Variants in AGTRAP observed in about 807,000 individuals in gnomAD.
The protein encoded by AGTRAP is type-1 angiotensin II receptor-associated protein.
In AGTRAP, 7 loss-of-function variants were observed where a neutral mutation model predicts 15.2. That is an observed-to-expected ratio of 0.46 (90% CI 0.26 to 0.87). The LOEUF (loss-of-function observed/expected upper bound fraction) is 0.87. Ranked by LOEUF, AGTRAP falls within the 40% of genes least tolerant of loss-of-function variation. AGTRAP has a pLI of 0.15. For missense variants in AGTRAP, 187 were observed against 213.4 expected, an observed-to-expected ratio of 0.88 and a Z score of 0.77; for synonymous variants, 74 against 89.6, an observed-to-expected ratio of 0.83 and a Z score of 0.98.
At chr1:11,736,385 G>A (rs1641897103) in intron 1 of AGTRAP, 150 bp downstream of exon 1, 3 of 1,114,450 alleles carry the variant, frequency 2.7e-6, no homozygotes, top group Non-Finnish European at 2.6e-6. Context: ...GAAGGAGATG[G>A]GCAGGCAGGC....
At chr1:11,736,304 T>TG (rs1641894982) in intron 1 of AGTRAP, 69 bp downstream of exon 1, 1 of 1,570,646 alleles carries the variant, frequency 6.4e-7, no homozygotes, top group Non-Finnish European at 8.6e-7. Flanking sequence ...TCCCGGAAGG[T>TG]GGGAGGAAGG....
chr1:11,740,742 A>T (rs1642011241), intron 1 of AGTRAP, among the ~76,000 whole-genome samples: 1 of 152,050 alleles, frequency 6.6e-6, no homozygotes, highest in South Asian at 2.1e-4. Flanking sequence ...TTAAAGACCT[A>T]CTCTGTGTAC....
chr1:11,739,311 G>C (rs532601064), intron 1 of AGTRAP, among the ~76,000 whole-genome samples: 94 of 152,256 alleles, frequency 6.2e-4, no homozygotes, highest in African/African-American at 2.3e-3. Flanking sequence ...AGCACTTTGG[G>C]AGACCCAGGC....
At chr1:11,743,766 A>G (rs909209284) in intron 1 of AGTRAP, among the ~76,000 whole-genome samples, 1 of 151,712 alleles carries the variant, frequency 6.6e-6, no homozygotes, top group African/African-American at 2.4e-5. Flanking sequence ...GGGTTTCTCC[A>G]TGCTGGTCAG....
intron 1 of AGTRAP, among the ~76,000 whole-genome samples, chr1:11,736,898 C>CT (rs1346161005): frequency 1.3e-5 from 2 of 152,176 alleles, no homozygotes; most frequent in African/African-American, 4.8e-5. Flanking sequence ...AGCGGCTGTT[C>CT]TTTTTCTCCC....
In AGTRAP at chr1:11,745,725, T is replaced by C. The variant is rs113791672; in HGVS notation, c.28-78T>C. 1,652 of 1,531,248 alleles carry C rather than the reference T, an allele frequency of 1.1e-3. 17 individuals carry two copies. In the African/African-American group the frequency reaches 0.02, roughly 18 times the overall value. 94.9% of individuals were successfully genotyped at this position (1,531,248 alleles called of 1,614,324 possible). On this transcript the variant is annotated intron_variant, in intron 1 of 4. Transcript: ENST00000314340. The surrounding 1 kb of genome is among the most constrained non-coding windows in gnomAD (Gnocchi z 4.2). ...GTGCCAGGCGCAGGGGCGTCCTGTG[T>C]TTTCTGCACCCGACGCTTTCCTGCC... is the stretch of plus-strand genomic sequence containing the variant.
intron 1 of AGTRAP, among the ~76,000 whole-genome samples, chr1:11,742,847 G>C (rs369474506): frequency 6.6e-6 from 1 of 152,098 alleles, no homozygotes; most frequent in South Asian, 2.1e-4. Context: ...CTTTTTTGCA[G>C]GTGGTGAGGG....
At chr1:11,736,517 G>A (rs566967449) in intron 1 of AGTRAP, among the ~76,000 whole-genome samples, 1 of 152,296 alleles carries the variant, frequency 6.6e-6, no homozygotes, top group South Asian at 2.1e-4. Flanking sequence ...GGGCAGCGCC[G>A]GTCCCAGCAT....
chr1:11,746,480 C>T (rs543643130), intron 2 of AGTRAP: 23 of 390,866 alleles, frequency 5.9e-5, no homozygotes, highest in South Asian at 5.4e-4. Flanking sequence ...AGGAAGCGCC[C>T]GCTGCATGCA....
At chr1:11,742,795 G>A (rs913380309) in intron 1 of AGTRAP, among the ~76,000 whole-genome samples, 1 of 152,292 alleles carries the variant, frequency 6.6e-6, no homozygotes, top group Non-Finnish European at 1.5e-5. Flanking sequence ...CTCCTAAAGT[G>A]TTGGGATTAC....
In AGTRAP at chr1:11,745,946, C is replaced by A; in HGVS notation, c.62+109C>A. On this transcript the variant is annotated intron_variant, in intron 2 of 4. Transcript: ENST00000314340. This position sits in a 1 kb window ranked among gnomAD's most constrained non-coding sequence, Gnocchi z 4.2. Reference sequence around the variant, plus strand: ...TTTAACCAGGTCACTTTGGGCCAGACAGCTCTGCCTCTCCGGGTCTTGATT... The same window carrying A: ...TTTAACCAGGTCACTTTGGGCCAGAAAGCTCTGCCTCTCCGGGTCTTGATT... 2 of 1,447,864 alleles carry A rather than the reference C, an allele frequency of 1.4e-6. No individual in the cohort carries two copies. Among genetic ancestry groups the A allele is most frequent in the South Asian group, 1.1e-5 (1 of 87,362 alleles). The allele number at this position is 1,447,864 out of a possible 1,614,324, so 89.7% of individuals were successfully genotyped here. A position where few individuals can be genotyped will look rare whatever the true frequency, so the allele number is the denominator to read the frequency against.
chr1:11,736,180 C>T lies in AGTRAP; in HGVS notation c.-29C>T. 1 of 1,596,018 alleles carries T rather than the reference C, an allele frequency of 6.3e-7. No individual in the cohort carries two copies. Among genetic ancestry groups the T allele is most frequent in the Non-Finnish European group, 8.5e-7 (1 of 1,172,596 alleles). ...GGAGCCTAGGAGCCCCCCGCGGCTGCGGCGCAGGTGCCCTCGGCCTGAGTC... is the reference window on the plus strand; with the variant it reads ...GGAGCCTAGGAGCCCCCCGCGGCTGTGGCGCAGGTGCCCTCGGCCTGAGTC... On this transcript the variant is annotated 5_prime_UTR_variant, in exon 1 of 5. Coordinates refer to ENST00000314340, the MANE Select transcript of AGTRAP (RefSeq NM_020350.5).
rs776387374 is a variant in AGTRAP, at chr1:11,750,052, TCC to T, written c.365-23_365-22del. ...CGAGTTCTCACCCTTCATTTTTCTT[TCC>T]CACCATGTCCCCTGTCACCTAGGTT... On this transcript the variant is annotated intron_variant, in intron 4 of 4. Coordinates refer to ENST00000314340, the MANE Select transcript of AGTRAP (RefSeq NM_020350.5). 2.2e-5 allele frequency: 35 copies of T among 1,587,098 alleles called. No homozygotes were observed. The East Asian group carries it at 7.8e-4, about 35-fold the overall frequency.
At chr1:11,739,394 T>C (rs1428971479) in intron 1 of AGTRAP, among the ~76,000 whole-genome samples, 2 of 151,916 alleles carry the variant, frequency 1.3e-5, no homozygotes, top group African/African-American at 4.8e-5. Context: ...CTACTAAAAA[T>C]ACAAAAATTA....
Position 11,750,368 on chromosome 1 carries a change from C to T in AGTRAP, c.*176C>T, listed in dbSNP as rs187824824. The T allele has an allele frequency of 8.5e-5, 57 of 672,116 alleles. No homozygotes were observed. In the African/African-American group the frequency reaches 9.9e-4, roughly 12 times the overall value. The allele number at this position is 672,116 out of a possible 1,614,324, so 41.6% of individuals were successfully genotyped here. A position where few individuals can be genotyped will look rare whatever the true frequency, so the allele number is the denominator to read the frequency against. ...TGGGCCGCCCAGTACCATGCACACT[C>T]CTGTCCCGAACTCCCTGAGGCCTCC... On this transcript the variant is annotated 3_prime_UTR_variant, in exon 5 of 5. Coordinates refer to ENST00000314340, the MANE Select transcript of AGTRAP (RefSeq NM_020350.5).
In AGTRAP at chr1:11,745,837, GGTAA is replaced by G. The variant is rs1238065116; in HGVS notation, c.62+3_62+6del. 2 of 1,613,798 alleles carry G rather than the reference GGTAA, an allele frequency of 1.2e-6. No individual in the cohort carries two copies. The highest frequency in any genetic ancestry group is 1.7e-5 in the Admixed American group (1 of 59,952). ...CTAGGTCACTGGCTGCTGACAACCT[GGTAA>G]GTGACTCTGTGGGTATCTTGTGTGT... On this transcript the variant is annotated splice_donor_variant and splice_donor_region_variant and intron_variant, in intron 2 of 4. Coordinates refer to ENST00000314340, the MANE Select transcript of AGTRAP (RefSeq NM_020350.5). LOFTEE classifies it high-confidence loss of function. The surrounding 1 kb of genome is among the most constrained non-coding windows in gnomAD (Gnocchi z 4.2).
intron 1 of AGTRAP, among the ~76,000 whole-genome samples, chr1:11,736,449 G>A (rs1044369405): frequency 2.0e-5 from 3 of 152,224 alleles, no homozygotes; most frequent in Non-Finnish European, 2.9e-5. Flanking sequence ...CTGAGGGGCC[G>A]TGGGAGGTGG....
chr1:11,736,797 A>G (rs906235174), intron 1 of AGTRAP, among the ~76,000 whole-genome samples: 3 of 151,880 alleles, frequency 2.0e-5, no homozygotes, highest in African/African-American at 7.3e-5. Context: ...AAAGCAGAAA[A>G]CCCCAACTTT....
Position 11,750,266 on chromosome 1 carries a change from A to G in AGTRAP, c.*74A>G. 1 of 1,232,772 alleles carries G rather than the reference A, an allele frequency of 8.1e-7. No homozygotes were observed. The highest frequency in any genetic ancestry group is 1.2e-5 in the South Asian group (1 of 80,022). 76.4% of individuals were successfully genotyped at this position (1,232,772 alleles called of 1,614,324 possible). Reference sequence around the variant, plus strand: ...GGAGGTCGTTCTAGGGATGCTCCTGACCTCCGTCTCTTGGACCTAAGATGG... The same window carrying G: ...GGAGGTCGTTCTAGGGATGCTCCTGGCCTCCGTCTCTTGGACCTAAGATGG... On this transcript the variant is annotated 3_prime_UTR_variant, in exon 5 of 5. Coordinates refer to ENST00000314340, the MANE Select transcript of AGTRAP (RefSeq NM_020350.5).
Sources: gnomAD v4.1 joint callset for allele counts (sites outside exome capture counted in the v4.1 genomes callset) on GRCh38, gnomAD v4.1.1 for gene constraint, Gnocchi (gnomAD v3.1) non-coding constraint, MANE v1.5 for transcripts, NCBI Gene and HGNC (gene_info 2026-07-23, HGNC 2026-07-21) for gene names.